The following HEPH variants were observed in gnomAD, a reference collection of about 807,000 sequenced individuals.
The protein encoded by HEPH is hephaestin.
In HEPH, 69 loss-of-function variants were observed where a neutral mutation model predicts 80.8. That is an observed-to-expected ratio of 0.85 (90% CI 0.70 to 1.04). The LOEUF (loss-of-function observed/expected upper bound fraction) is 1.04. Among genes scored for constraint, HEPH ranks in the 50% least tolerant of loss-of-function variants. The pLI is 0.00. For missense variants in HEPH, 1,115 were observed against 891.3 expected, an observed-to-expected ratio of 1.25 and a Z score of -3.20; for synonymous variants, 431 against 322.8, an observed-to-expected ratio of 1.34 and a Z score of -3.60.
intron 15 of HEPH, among the ~76,000 whole-genome samples, chrX:66,228,849 T>C (rs2090000244): frequency 9.0e-6 from 1 of 111,599 alleles, no homozygotes; most frequent in South Asian, 3.7e-4. Flanking sequence ...TCTGCAAGAA[T>C]GGCCATAGTC....
At chrX:66,236,595 C>T (rs755153874) in intron 15 of HEPH, among the ~76,000 whole-genome samples, 23 of 111,621 alleles carry the variant, frequency 2.1e-4, no homozygotes, top group Non-Finnish European at 4.0e-4. Context: ...GTGTCTCTGT[C>T]GGGTTTTGGT....
chrX:66,229,029 G>A (rs578087301), intron 15 of HEPH, among the ~76,000 whole-genome samples: 31 of 112,162 alleles, frequency 2.8e-4, no homozygotes, highest in East Asian at 8.4e-4. Context: ...CCACTCCTGC[G>A]TATCTACCCA....
rs1477293925 is a variant in HEPH at position 66,267,270 on chromosome X, T to G, written c.*598T>G. ...ATGTACAACCTCTGGAGCTAGAAGCTCCTCAGGAAAGCCAGTTCTCCAAGT... is the reference window on the plus strand; with the variant it reads ...ATGTACAACCTCTGGAGCTAGAAGCGCCTCAGGAAAGCCAGTTCTCCAAGT... On this transcript the variant is annotated 3_prime_UTR_variant, in exon 21 of 21. Coordinates refer to ENST00000343002, the MANE Select transcript of HEPH (RefSeq NM_001367233.3). The G allele has an allele frequency of 1.8e-5, 2 of 112,595 alleles. No homozygotes were observed. Among genetic ancestry groups the G allele is most frequent in the East Asian group, 2.8e-4 (1 of 3,560 alleles). The allele number at this position is 112,595 out of a possible 1,213,427, so 9.3% of individuals were successfully genotyped here.
Position 66,256,199 on chromosome X carries a change from C to T in HEPH, c.2765C>T (p.Ala922Val). 2.5e-6 allele frequency: 3 copies of T among 1,210,909 alleles called. No homozygotes were observed. Among genetic ancestry groups the T allele is most frequent in the Non-Finnish European group, 3.4e-6 (3 of 894,793 alleles). Residue 922 changes from alanine to valine, a missense_variant, in exon 17 of 21, where the codon GCA becomes GTA. Ala to Val is a moderately conservative substitution (Grantham distance 64). Around this residue, in one of 3 missense-constraint regions of HEPH, gnomAD observed 716 missense variants for 523.5 expected, o/e 1.37. Coordinates refer to ENST00000343002, the MANE Select transcript of HEPH (RefSeq NM_001367233.3). ...CGGAGTGACATGGATCGGGAATTTG[C>T]ATTGTTGTTCTTGATTTTTGATGAA... ...GGRSDMDREF[A>V]LLFLIFDENK... is the part of the protein sequence containing the mutation.
intron 15 of HEPH, among the ~76,000 whole-genome samples, chrX:66,231,294 T>C (rs1415652102): frequency 1.8e-5 from 2 of 108,396 alleles, no homozygotes; most frequent in Non-Finnish European, 3.8e-5. Context: ...TTTGAAGTAG[T>C]TTTTTCCAAT....
chrX:66,197,777 T>C lies in HEPH; in HGVS notation c.1596T>C (p.Pro532=), dbSNP rs767864817. 3 of 1,211,446 alleles carry C rather than the reference T, an allele frequency of 2.5e-6. No individual in the cohort carries two copies. The highest frequency in any genetic ancestry group is 3.4e-6 in the Non-Finnish European group (3 of 895,079). The change falls in exon 10 of 21, where the codon CCT becomes CCC. Residue 532 remains proline (P), a synonymous_variant. Coordinates refer to ENST00000343002, the MANE Select transcript of HEPH (RefSeq NM_001367233.3). ...PPHAGPTAQD[P]ACLTWMYFSA... ...ATGCCGGTCCCACTGCTCAGGATCC[T>C]GCTTGTCTCACTTGGATGTACTTCT...
intron 10 of HEPH, among the ~76,000 whole-genome samples, chrX:66,198,258 A>G (rs1425663412): frequency 9.6e-6 from 1 of 103,891 alleles, no homozygotes; most frequent in East Asian, 3.0e-4. Context: ...CTGCTTTAAT[A>G]TTTGCTTGTC....
In HEPH at chrX:66,208,245, T is replaced by C; in HGVS notation, c.2562T>C (p.Pro854=). ...CTGTCTGGCCACTGGCTGCTGAGCCTGGTGAGTGGGGACACTTAGTGAAAG... is the reference window on the plus strand; with the variant it reads ...CTGTCTGGCCACTGGCTGCTGAGCCCGGTGAGTGGGGACACTTAGTGAAAG... ...STTVWPLAAE[P]GEVVTYQWNI... Residue 854 remains proline (P), a splice_region_variant and synonymous_variant, in exon 15 of 21, where the codon CCT becomes CCC. Coordinates refer to ENST00000343002, the MANE Select transcript of HEPH (RefSeq NM_001367233.3). 8.3e-7 allele frequency: 1 copy of C among 1,206,512 alleles called. No individual in the cohort carries two copies. The highest frequency in any genetic ancestry group is 1.7e-5 in the African/African-American group (1 of 57,565).
chrX:66,171,639 T>C (rs1325540838), intron 2 of HEPH, among the ~76,000 whole-genome samples: 1 of 112,238 alleles, frequency 8.9e-6, no homozygotes, highest in African/African-American at 3.2e-5. Flanking sequence ...TCTGTCTTTT[T>C]TGACACAAAA....
At chrX:66,245,590 G>C (rs1480531901) in intron 15 of HEPH, among the ~76,000 whole-genome samples, 1 of 110,893 alleles carries the variant, frequency 9.0e-6, no homozygotes, top group Non-Finnish European at 1.9e-5. Flanking sequence ...AAGTTAACAA[G>C]GATATCCAGG....
intron 15 of HEPH, among the ~76,000 whole-genome samples, chrX:66,231,519 A>G: frequency 9.1e-6 from 1 of 109,815 alleles, no homozygotes; most frequent in Non-Finnish European, 1.9e-5. Context: ...ATTCCTAGGT[A>G]TTTTATTTTC....
intron 15 of HEPH, among the ~76,000 whole-genome samples, chrX:66,220,439 G>A (rs1159065317): frequency 9.0e-6 from 1 of 111,200 alleles, no homozygotes; most frequent in African/African-American, 3.3e-5. Flanking sequence ...CAAGGATCAA[G>A]GGGGTTGGTT....
intron 15 of HEPH, among the ~76,000 whole-genome samples, chrX:66,208,676 A>G (rs1231218747): frequency 7.6e-5 from 5 of 65,671 alleles, no homozygotes; most frequent in Non-Finnish European, 1.1e-4. Flanking sequence ...ATATATATAT[A>G]TGAGCTTAGA....
intron 9 of HEPH, among the ~76,000 whole-genome samples, chrX:66,196,542 AT>A (rs1271994745): frequency 6.3e-5 from 7 of 111,946 alleles, no homozygotes; most frequent in Non-Finnish European, 1.1e-4. Context: ...TTTCTTCAGA[AT>A]ATATTTTTAA....
At chrX:66,231,923 A>G (rs1339699779) in intron 15 of HEPH, among the ~76,000 whole-genome samples, 5 of 110,481 alleles carry the variant, frequency 4.5e-5, no homozygotes, top group Non-Finnish European at 7.5e-5. Context: ...TTTGTCATAG[A>G]TAGCTCTTAT....
At chrX:66,167,340 C>A (rs1003991753) in intron 1 of HEPH, among the ~76,000 whole-genome samples, 7 of 112,296 alleles carry the variant, frequency 6.2e-5, no homozygotes, top group African/African-American at 1.9e-4. Context: ...ATTGTTTAAG[C>A]CATTTGGATC....
intron 15 of HEPH, among the ~76,000 whole-genome samples, chrX:66,248,696 C>T (rs1341182309): frequency 8.9e-6 from 1 of 112,073 alleles, no homozygotes; most frequent in Non-Finnish European, 1.9e-5. Context: ...GCACTTCAAA[C>T]TACAAAAGCT....
intron 6 of HEPH, among the ~76,000 whole-genome samples, 153 bp downstream of exon 6, chrX:66,190,091 C>A (rs1465455516): frequency 9.5e-6 from 1 of 105,055 alleles, no homozygotes; most frequent in Non-Finnish European, 1.9e-5. Flanking sequence ...GTCAGGGGAC[C>A]CAGGTTTTTT....
chrX:66,220,907 G>T (rs1474481248), intron 15 of HEPH, among the ~76,000 whole-genome samples: 1 of 110,529 alleles, frequency 9.0e-6, no homozygotes, highest in African/African-American at 3.3e-5. Flanking sequence ...ATACAAACAA[G>T]TTTTTTTTAG....
Sources: allele counts gnomAD v4.1 joint callset (sites outside exome capture counted in the v4.1 genomes callset), GRCh38; gene constraint gnomAD v4.1.1; regional missense constraint gnomAD v4.1.1; transcripts MANE v1.5; gene names NCBI Gene and HGNC (gene_info 2026-07-23, HGNC 2026-07-21).